LNX1: variants seen among roughly 807,000 people sequenced by gnomAD.
LNX1 encodes the protein E3 ubiquitin-protein ligase LNX.
Under a neutral mutation model 68.4 loss-of-function variants are expected in LNX1, and 54 were observed. The observed-to-expected ratio is 0.79, with a 90% CI of 0.63 to 0.99. The LOEUF (loss-of-function observed/expected upper bound fraction) is 0.99, where lower values mean the gene tolerates loss of function less well. LNX1 is among the 50% of genes least tolerant of loss of function. The pLI is 0.00. For synonymous variants in LNX1, 336 were observed against 350.0 expected (o/e 0.96, Z 0.45); for missense variants, 906 against 926.4 (o/e 0.98, Z 0.29).
At chr4:53,645,134 T>C (rs890497824) in intron 1 of LNX1, among the ~76,000 whole-genome samples, 2 of 152,196 alleles carry the variant, frequency 1.3e-5, no homozygotes, top group African/African-American at 4.8e-5. Flanking sequence ...GCCTGTGTTT[T>C]TCTCCTGGGG....
At chr4:53,495,120 G>A (rs1579407686) in intron 6 of LNX1, among the ~76,000 whole-genome samples, 1 of 152,100 alleles carries the variant, frequency 6.6e-6, no homozygotes, top group South Asian at 2.1e-4. Flanking sequence ...CCATACTATG[G>A]TTTTGCAAGA....
intron 2 of LNX1, among the ~76,000 whole-genome samples, chr4:53,596,536 T>C (rs1032470295): frequency 1.3e-5 from 2 of 152,224 alleles, no homozygotes; most frequent in African/African-American, 4.8e-5. Flanking sequence ...CACATATTTT[T>C]ATGTTTCTAT....
At chr4:53,637,329 A>C (rs1734518923) in intron 1 of LNX1, among the ~76,000 whole-genome samples, 1 of 151,716 alleles carries the variant, frequency 6.6e-6, no homozygotes, top group South Asian at 2.1e-4. Flanking sequence ...CACTAAATGA[A>C]TCTCTTTGTA....
intron 2 of LNX1, among the ~76,000 whole-genome samples, chr4:53,553,387 A>G (rs1729652422): frequency 6.6e-6 from 1 of 152,126 alleles, no homozygotes; most frequent in Non-Finnish European, 1.5e-5. Flanking sequence ...CCCTCTCCCA[A>G]AGATTTTCAT....
intron 2 of LNX1, among the ~76,000 whole-genome samples, chr4:53,561,160 T>C (rs1188689301): frequency 6.6e-6 from 1 of 152,222 alleles, no homozygotes. Context: ...ATGAGATGCT[T>C]AGTCTGGCTA....
chr4:53,575,989 C>T (rs1731464548), intron 1 of LNX1: 1 of 1,560,808 alleles, frequency 6.4e-7, no homozygotes, highest in Admixed American at 1.9e-5. Flanking sequence ...GCACACGCTG[C>T]TCCAGCAGGC....
At chr4:53,526,749 C>T (rs1473257709) in intron 2 of LNX1, among the ~76,000 whole-genome samples, 1 of 151,864 alleles carries the variant, frequency 6.6e-6, no homozygotes, top group Admixed American at 6.6e-5. Flanking sequence ...TAAAATTACT[C>T]TCTTTTCTCT....
chr4:53,541,458 A>T (rs1475769176), intron 2 of LNX1, among the ~76,000 whole-genome samples: 1 of 152,132 alleles, frequency 6.6e-6, no homozygotes, highest in Non-Finnish European at 1.5e-5. Flanking sequence ...AGACTGATCT[A>T]ATCAGCACAT....
intron 2 of LNX1, among the ~76,000 whole-genome samples, chr4:53,615,163 T>C (rs1187939113): frequency 1.3e-5 from 2 of 152,142 alleles, no homozygotes; most frequent in Non-Finnish European, 2.9e-5. Context: ...GTGGGAGATT[T>C]AGTGTAATAA....
chr4:53,637,232 C>G (rs754260671), intron 1 of LNX1, among the ~76,000 whole-genome samples: 3 of 151,806 alleles, frequency 2.0e-5, no homozygotes, highest in Non-Finnish European at 4.4e-5. Context: ...TGCCTTGGCC[C>G]CTAAGAAACT....
chr4:53,476,445 C>T (rs753466457), intron 9 of LNX1, among the ~76,000 whole-genome samples: 1 of 152,188 alleles, frequency 6.6e-6, no homozygotes, highest in East Asian at 1.9e-4. Flanking sequence ...GTCTCTGCCC[C>T]CTCTGCCTGT....
chr4:53,554,073 T>C (rs1016132821), intron 2 of LNX1, among the ~76,000 whole-genome samples: 4 of 152,222 alleles, frequency 2.6e-5, no homozygotes, highest in African/African-American at 9.6e-5. Context: ...GATGACGTCC[T>C]TTCTTTTGGG....
At chr4:53,623,779 A>T (rs1733972601) in intron 1 of LNX1, among the ~76,000 whole-genome samples, 1 of 151,998 alleles carries the variant, frequency 6.6e-6, no homozygotes, top group Admixed American at 6.6e-5. Context: ...TAGGTCTATT[A>T]TTGCTGCTAT....
chr4:53,617,750 G>A (rs564879172), upstream of LNX1, among the ~76,000 whole-genome samples: 3 of 152,294 alleles, frequency 2.0e-5, no homozygotes, highest in South Asian at 6.2e-4. Flanking sequence ...ATACAGAGAT[G>A]TTATTGACTA....
intron 2 of LNX1, among the ~76,000 whole-genome samples, chr4:53,607,947 A>G (rs1733298599): frequency 6.6e-6 from 1 of 152,230 alleles, no homozygotes; most frequent in Non-Finnish European, 1.5e-5. Context: ...CATTTCTTAC[A>G]CCATATACAA....
upstream of LNX1, among the ~76,000 whole-genome samples, chr4:53,621,723 G>A (rs902167128): frequency 3.9e-5 from 6 of 152,140 alleles, no homozygotes; most frequent in African/African-American, 7.2e-5. Context: ...CTTTTGAAAC[G>A]TTTATATTAT....
chr4:53,467,700 G>A (rs1231565955), intron 9 of LNX1, among the ~76,000 whole-genome samples: 1 of 152,334 alleles, frequency 6.6e-6, no homozygotes, highest in Non-Finnish European at 1.5e-5. Context: ...GAATGCACAA[G>A]CCTCAGTAGC....
intron 6 of LNX1, among the ~76,000 whole-genome samples, chr4:53,493,732 A>G (rs1168137068): frequency 6.6e-6 from 1 of 152,238 alleles, no homozygotes; most frequent in Non-Finnish European, 1.5e-5. Context: ...CTGCTGACTT[A>G]CTGCCTATTC....
chr4:53,541,992 T>C lies in LNX1; in HGVS notation c.380+31631A>G, dbSNP rs1044062112. 7.2e-5 allele frequency among the ~76,000 whole-genome samples: 11 copies of C among 152,312 alleles called. No individual in the cohort carries two copies. The East Asian group carries it at 9.6e-4, about 13-fold the overall frequency. ...CCAGATGACACATGGCCCTGGGGAA[T>C]AGAATTTGACTAATATGCTTACTGA... On this transcript the variant is annotated intron_variant, in intron 2 of 10. Transcript: ENST00000263925.
Sources: gnomAD v4.1 joint callset for allele counts (sites outside exome capture counted in the v4.1 genomes callset) on GRCh38, gnomAD v4.1.1 for gene constraint, MANE v1.5 for transcripts, NCBI Gene and HGNC (gene_info 2026-07-23, HGNC 2026-07-21) for gene names.